Variants in PEX7 observed in about 807,000 individuals in gnomAD.
The protein encoded by PEX7 is PTS2 receptor.
A neutral mutation model predicts 47.5 loss-of-function variants in PEX7; 34 were observed. The observed-to-expected ratio is 0.72, with a 90% CI of 0.54 to 0.95. The LOEUF (loss-of-function observed/expected upper bound fraction) is 0.95. Ranked by LOEUF, PEX7 falls within the 40% of genes least tolerant of loss-of-function variation. PEX7 has a pLI of 0.00. For missense variants in PEX7, 394 were observed against 400.3 expected, an observed-to-expected ratio of 0.98 and a Z score of 0.13; for synonymous variants, 141 against 148.8, an observed-to-expected ratio of 0.95 and a Z score of 0.38.
At chr6:136,829,944 A>T in intron 3 of PEX7, 1 of 693,746 alleles carries the variant, frequency 1.4e-6, no homozygotes, top group Non-Finnish European at 2.6e-6. Flanking sequence ...CTTAAAAGAA[A>T]GTTATTAAAA....
Position 136,876,876 on chromosome 6 carries a change from A to G in PEX7, c.803+4623A>G, listed in dbSNP as rs991084668. ...CCCAGTAATGGGATTGCTGGGTCAAATGGTGTTTCTGATTCTAGATCCTTG... is the reference window on the plus strand; with the variant it reads ...CCCAGTAATGGGATTGCTGGGTCAAGTGGTGTTTCTGATTCTAGATCCTTG... On this transcript the variant is annotated intron_variant, in intron 8 of 9. Coordinates refer to ENST00000318471, the MANE Select transcript of PEX7 (RefSeq NM_000288.4). Among the ~76,000 whole-genome samples, 23 of 152,196 alleles carry G rather than the reference A, an allele frequency of 1.5e-4. 1 individual carries two copies. Among genetic ancestry groups the G allele is most frequent in the Admixed American group, 8.5e-4 (13 of 15,286 alleles).
intron 1 of PEX7, 150 bp downstream of exon 1, chr6:136,822,945 G>A: frequency 8.3e-7 from 1 of 1,208,954 alleles, no homozygotes; most frequent in Non-Finnish European, 1.0e-6. Context: ...GCTGGTCGGC[G>A]CTTCTCCTTT....
chr6:136,913,320 G>A, intron 9 of PEX7, 138 bp from the exon 10 acceptor site: 1 of 690,976 alleles, frequency 1.4e-6, no homozygotes, highest in Non-Finnish European at 2.6e-6. Flanking sequence ...CAAAAACGTA[G>A]CCCTATGTTT....
chr6:136,889,415 G>T lies in PEX7; in HGVS notation c.804-8727G>T, dbSNP rs564961392. Among the ~76,000 whole-genome samples, 10 of 152,250 alleles carry T rather than the reference G, an allele frequency of 6.6e-5. No homozygotes were observed. In the East Asian group the frequency reaches 1.9e-3, roughly 29 times the overall value. On this transcript the variant is annotated intron_variant, in intron 8 of 9. Coordinates refer to ENST00000318471, the MANE Select transcript of PEX7 (RefSeq NM_000288.4). ...ACATTTTTCTTTAAGAATGAAACCA[G>T]ATCCGTGTCTAATTCATAACTGAAT...
At chr6:136,891,127 C>CAGAG (rs1380918916) in intron 8 of PEX7, among the ~76,000 whole-genome samples, 2 of 152,174 alleles carry the variant, frequency 1.3e-5, no homozygotes, top group Admixed American at 6.5e-5. Context: ...AGTCATCCAG[C>CAGAG]ATCCCTGTGG....
intron 3 of PEX7, among the ~76,000 whole-genome samples, chr6:136,836,483 C>T (rs139005549): frequency 0.021 from 3,120 of 152,058 alleles, 42 homozygotes; most frequent in Non-Finnish European, 0.032. Context: ...AATTAAGAAT[C>T]CCAATATGTT....
intron 3 of PEX7, among the ~76,000 whole-genome samples, chr6:136,836,370 T>C (rs1414108299): frequency 6.6e-6 from 1 of 151,414 alleles, no homozygotes; most frequent in Non-Finnish European, 1.5e-5. Flanking sequence ...AAAGAGGGGG[T>C]AAGGTAGAAA....
At chr6:136,869,464 C>T (rs886547731) in intron 6 of PEX7, among the ~76,000 whole-genome samples, 2 of 152,146 alleles carry the variant, frequency 1.3e-5, no homozygotes, top group Non-Finnish European at 2.9e-5. Flanking sequence ...TCTCAAGTTC[C>T]TGGCCTCAAG....
chr6:136,886,803 A>G (rs1775474178), intron 8 of PEX7, among the ~76,000 whole-genome samples: 1 of 152,280 alleles, frequency 6.6e-6, no homozygotes, highest in African/African-American at 2.4e-5. Flanking sequence ...TTGTATTCCT[A>G]GCACTTTGGG....
chr6:136,871,585 GTC>G (rs997170355), intron 7 of PEX7, among the ~76,000 whole-genome samples: 3 of 151,976 alleles, frequency 2.0e-5, no homozygotes, highest in Non-Finnish European at 2.9e-5. Context: ...TTGAGCCAGA[GTC>G]TCTCTCTGTC....
chr6:136,901,415 C>T (rs1775751697), intron 9 of PEX7: 1 of 152,250 alleles, frequency 6.6e-6, no homozygotes, highest in Non-Finnish European at 1.5e-5. Flanking sequence ...TTTCCTGTGG[C>T]CACCCATGTG....
At chr6:136,854,542 T>C (rs551138547) in intron 5 of PEX7, among the ~76,000 whole-genome samples, 5 of 152,182 alleles carry the variant, frequency 3.3e-5, no homozygotes, top group Non-Finnish European at 7.3e-5. Flanking sequence ...GTGAATCGGA[T>C]CTGTAAGTTG....
chr6:136,858,452 A>G (rs1774901393), intron 5 of PEX7, among the ~76,000 whole-genome samples: 1 of 152,232 alleles, frequency 6.6e-6, no homozygotes, highest in Non-Finnish European at 1.5e-5. Context: ...GTATAGTAAC[A>G]TACTAGTCCA....
At chr6:136,885,101 A>G (rs1379499846) in intron 8 of PEX7, among the ~76,000 whole-genome samples, 4 of 152,226 alleles carry the variant, frequency 2.6e-5, no homozygotes, top group Non-Finnish European at 4.4e-5. Flanking sequence ...CATTTCATAA[A>G]CAGAAAAGCA....
At chr6:136,869,643 A>G (rs1468638085) in intron 6 of PEX7, among the ~76,000 whole-genome samples, 1 of 152,210 alleles carries the variant, frequency 6.6e-6, no homozygotes, top group African/African-American at 2.4e-5. Context: ...TGCCTTTTCC[A>G]GCTGTCTGTA....
intron 9 of PEX7, among the ~76,000 whole-genome samples, chr6:136,904,569 C>T (rs985222114): frequency 6.6e-6 from 1 of 151,248 alleles, no homozygotes; most frequent in African/African-American, 2.4e-5. Flanking sequence ...GCACTGTTCT[C>T]ATGATAGTGA....
intron 8 of PEX7, among the ~76,000 whole-genome samples, chr6:136,875,009 C>T (rs1316611907): frequency 6.6e-6 from 1 of 151,930 alleles, no homozygotes; most frequent in Non-Finnish European, 1.5e-5. Flanking sequence ...CGTGGTGGCA[C>T]ATGCCTGTAA....
intron 4 of PEX7, among the ~76,000 whole-genome samples, 172 bp downstream of exon 4, chr6:136,845,864 G>C (rs1582744878): frequency 6.6e-6 from 1 of 151,662 alleles, no homozygotes; most frequent in East Asian, 1.9e-4. Context: ...TAATCTTTTG[G>C]CTGTGAACTA....
intron 8 of PEX7, among the ~76,000 whole-genome samples, chr6:136,881,458 T>G (rs1015522183): frequency 2.6e-5 from 4 of 152,202 alleles, no homozygotes; most frequent in African/African-American, 4.8e-5. Flanking sequence ...TAAACTGAGA[T>G]GAGACATTAA....
Sources: allele counts gnomAD v4.1 joint callset (sites outside exome capture counted in the v4.1 genomes callset), GRCh38; gene constraint gnomAD v4.1.1; transcripts MANE v1.5; gene names NCBI Gene and HGNC (gene_info 2026-07-23, HGNC 2026-07-21).